FZD6: variants seen among roughly 807,000 people sequenced by gnomAD.
The protein encoded by FZD6 is frizzled class receptor 6.
Under a neutral mutation model 61.4 loss-of-function variants are expected in FZD6, and 49 were observed. The observed-to-expected ratio is 0.80, with a 90% CI of 0.63 to 1.01. The LOEUF (loss-of-function observed/expected upper bound fraction) is 1.01, where lower values mean the gene tolerates loss of function less well. Ranked by LOEUF, FZD6 falls within the 50% of genes least tolerant of loss-of-function variation. The pLI is 0.00. For synonymous variants in FZD6, 265 were observed against 292.2 expected (o/e 0.91, Z 0.95); for missense variants, 724 against 848.2 (o/e 0.85, Z 1.82).
Position 103,318,765 on chromosome 8 carries a change from C to T in FZD6, c.353C>T (p.Pro118Leu). Residue 118 changes from proline to leucine, a missense_variant, in exon 3 of 7, where the codon CCT becomes CTT. Coordinates refer to ENST00000358755, the MANE Select transcript of FZD6 (RefSeq NM_003506.4). Reference protein sequence around the residue: ...KLIDTFGIRWPEELECDRLQY... With the variant: ...KLIDTFGIRWLEELECDRLQY... ...ATTGACACTTTTGGGATCCGATGGCCTGAGGAGCTTGAATGTGACAGGTAA... is the reference window on the plus strand; with the variant it reads ...ATTGACACTTTTGGGATCCGATGGCTTGAGGAGCTTGAATGTGACAGGTAA... 1.2e-6 allele frequency: 2 copies of T among 1,604,598 alleles called. No homozygotes were observed. The highest frequency in any genetic ancestry group is 1.7e-6 in the Non-Finnish European group (2 of 1,171,408).
At chr8:103,321,355 T>G (rs1814783759) in intron 3 of FZD6, among the ~76,000 whole-genome samples, 2 of 152,212 alleles carry the variant, frequency 1.3e-5, no homozygotes, top group Admixed American at 1.3e-4. Context: ...GTTAGTTGGG[T>G]CAGCTGCACA....
chr8:103,328,931 C>G (rs1161970685), intron 5 of FZD6, among the ~76,000 whole-genome samples: 1 of 148,366 alleles, frequency 6.7e-6, no homozygotes, highest in Non-Finnish European at 1.5e-5. Flanking sequence ...ACTTATTTGT[C>G]TTACTTAAGA....
Position 103,331,433 on chromosome 8 carries a change from G to A in FZD6, c.2045G>A (p.Gly682Asp), listed in dbSNP as rs1426821574. The change falls in exon 7 of 7, where the codon GGT becomes GAT. Residue 682 changes from glycine to aspartate, a missense_variant. Transcript: ENST00000358755. ...TCTTCAGAACCAAGCAGCCTCAAAG[G>A]TTCCACATCTCTGCTTGTTCACCCG... is the stretch of plus-strand genomic sequence containing the variant. ...PSSSEPSSLK[G>D]STSLLVHPVS... The A allele has an allele frequency of 6.2e-7, 1 of 1,610,556 alleles. No homozygotes were observed.
At chr8:103,330,479 A>G (rs1815089455) in intron 6 of FZD6, among the ~76,000 whole-genome samples, 1 of 152,184 alleles carries the variant, frequency 6.6e-6, no homozygotes, top group Non-Finnish European at 1.5e-5. Flanking sequence ...ATCTTTAATG[A>G]ATTTTCTCAA....
At chr8:103,313,810 AG>A (rs925893346) in intron 2 of FZD6, among the ~76,000 whole-genome samples, 11 of 137,550 alleles carry the variant, frequency 8.0e-5, no homozygotes, top group South Asian at 4.8e-4. Context: ...GTGTCAGGGA[AG>A]GGGGGGGCCC....
chr8:103,319,139 T>C (rs1416723105), intron 3 of FZD6, among the ~76,000 whole-genome samples: 1 of 152,042 alleles, frequency 6.6e-6, no homozygotes, highest in African/African-American at 2.4e-5. Context: ...GGGAAGGAAA[T>C]GACTGTTGAG....
chr8:103,325,347 T>C lies in FZD6; in HGVS notation c.1241T>C (p.Met414Thr). Residue 414 changes from methionine to threonine, a missense_variant, in exon 4 of 7, where the codon ATG becomes ACG. Met to Thr is a moderately conservative substitution (Grantham distance 81, BLOSUM62 -1). Coordinates refer to ENST00000358755, the MANE Select transcript of FZD6 (RefSeq NM_003506.4). Reference protein sequence around the residue: ...GRNQEKLKKFMIRIGVFSGLY... With the variant: ...GRNQEKLKKFTIRIGVFSGLY... Reference sequence around the variant, plus strand: ...AACCAAGAAAAACTAAAGAAATTTATGATTCGAATTGGAGTCTTCAGCGGC... The same window carrying C: ...AACCAAGAAAAACTAAAGAAATTTACGATTCGAATTGGAGTCTTCAGCGGC... 1 of 1,614,170 alleles carries C rather than the reference T, an allele frequency of 6.2e-7. No individual in the cohort carries two copies. Among genetic ancestry groups the C allele is most frequent in the Non-Finnish European group, 8.5e-7 (1 of 1,180,000 alleles).
Position 103,324,610 on chromosome 8 carries a change from T to A in FZD6, c.504T>A (p.Ser168=), listed in dbSNP as rs775449278. The stretch of plus-strand genomic sequence containing the variant: ...GGTGTCCAAGGCATCTTAAGACTTC[T>A]GGGGGACAAGGATATAAGTTTCTGG... ...GFWCPRHLKT[S]GGQGYKFLGI... Residue 168 remains serine (S), a synonymous_variant, in exon 4 of 7, where the codon TCT becomes TCA. Transcript: ENST00000358755. 1.1e-5 allele frequency: 18 copies of A among 1,614,084 alleles called. No individual in the cohort carries two copies. Among genetic ancestry groups the A allele is most frequent in the Non-Finnish European group, 1.4e-5 (17 of 1,180,030 alleles).
At position 103,324,575 on chromosome 8, in the gene FZD6, A is replaced by T; in HGVS notation, c.469A>T (p.Ile157Phe). Residue 157 changes from isoleucine to phenylalanine, a missense_variant, in exon 4 of 7, where the codon ATT becomes TTT. By Grantham distance (21) the Ile-to-Phe change is conservative. Coordinates refer to ENST00000358755, the MANE Select transcript of FZD6 (RefSeq NM_003506.4). ...GAAAACAGAACAAGTCCAAAGAGAC[A>T]TTGGATTTTGGTGTCCAAGGCATCT... ...QKKTEQVQRD[I>F]GFWCPRHLKT... The T allele has an allele frequency of 6.2e-7, 1 of 1,613,174 alleles. No homozygotes were observed. The highest frequency in any genetic ancestry group is 8.5e-7 in the Non-Finnish European group (1 of 1,179,070).
Position 103,331,844 on chromosome 8 carries a change from A to G in FZD6, c.*335A>G, listed in dbSNP as rs1403098424. The G allele has an allele frequency of 9.0e-6, 2 of 223,298 alleles. No individual in the cohort carries two copies. The highest frequency in any genetic ancestry group is 4.7e-5 in the African/African-American group (2 of 42,916). 13.8% of individuals were successfully genotyped at this position (223,298 alleles called of 1,614,324 possible). The stretch of plus-strand genomic sequence containing the variant: ...TGTACTATGCTATTTTACTTTTTTG[A>G]TATAAAATCAAGATATTTCTTTGCT... On this transcript the variant is annotated 3_prime_UTR_variant, in exon 7 of 7. Coordinates refer to ENST00000358755, the MANE Select transcript of FZD6 (RefSeq NM_003506.4).
chr8:103,310,575 C>G (rs3107648), intron 2 of FZD6, among the ~76,000 whole-genome samples: 16,735 of 152,132 alleles, frequency 0.11, 1,206 homozygotes, highest in East Asian at 0.2. Context: ...TAGTGTTTTA[C>G]TTCCCACCTT....
At chr8:103,318,947 G>A (rs547353021) in intron 3 of FZD6, among the ~76,000 whole-genome samples, 161 bp downstream of exon 3, 6 of 152,294 alleles carry the variant, frequency 3.9e-5, no homozygotes, top group South Asian at 2.1e-4. Context: ...GGACACAAAG[G>A]TGGGCAAAAA....
chr8:103,306,014 G>T (rs1814320760), intron 2 of FZD6, among the ~76,000 whole-genome samples: 1 of 152,140 alleles, frequency 6.6e-6, no homozygotes, highest in East Asian at 1.9e-4. Flanking sequence ...ACCTGAATAT[G>T]TAGCTCTCCC....
At chr8:103,329,546 C>T in intron 5 of FZD6, 109 bp from the exon 6 acceptor site, 1 of 721,384 alleles carries the variant, frequency 1.4e-6, no homozygotes, top group African/African-American at 1.8e-5. Context: ...GAATTTTCAA[C>T]TTTAGTGACT....
At chr8:103,308,022 G>C (rs1180566779) in intron 2 of FZD6, 1 of 445,258 alleles carries the variant, frequency 2.2e-6, no homozygotes, top group Non-Finnish European at 4.5e-6. Flanking sequence ...AGGGCTTAAG[G>C]TTGGTTACTG....
At position 103,309,505 on chromosome 8, in the gene FZD6, G is replaced by A. The variant is rs182179171; in HGVS notation, c.178-9085G>A. ...CCCTGAATATGTTTCTAGTGGTGTT[G>A]CCAATCTCTGAAAATCCCCTTGATC... is the stretch of plus-strand genomic sequence containing the variant. On this transcript the variant is annotated intron_variant, in intron 2 of 6. Coordinates refer to ENST00000358755, the MANE Select transcript of FZD6 (RefSeq NM_003506.4). Among the ~76,000 whole-genome samples the A allele has an allele frequency of 1.8e-4, 27 of 152,328 alleles. No individual in the cohort carries two copies. The East Asian group carries it at 4.6e-3, about 26-fold the overall frequency.
Position 103,329,690 on chromosome 8 carries a change from CAT to C in FZD6, c.1578_1579del (p.Cys527Ter), listed in dbSNP as rs1473836705. ...GAAAGTCGAAGAGTACTACAGGAAT[CAT>C]GTGAGTTTTTCTTAAAGCACAATTC... On this transcript the variant is annotated frameshift_variant, in exon 6 of 7. Transcript: ENST00000358755. LOFTEE classifies it high-confidence loss of function. 18 of 1,611,280 alleles carry C rather than the reference CAT, an allele frequency of 1.1e-5. No homozygotes were observed. Among genetic ancestry groups the C allele is most frequent in the East Asian group, 2.2e-5 (1 of 44,874 alleles).
intron 2 of FZD6, 115 bp from the exon 3 acceptor site, chr8:103,318,475 T>C: frequency 1.4e-6 from 1 of 705,110 alleles, no homozygotes; most frequent in South Asian, 1.6e-5. Context: ...AGAGGGAGAT[T>C]TAAAGATTCT....
intron 2 of FZD6, among the ~76,000 whole-genome samples, chr8:103,317,833 AAAAAAAAAG>A (rs1371936144): frequency 2.2e-4 from 30 of 139,060 alleles, no homozygotes; most frequent in African/African-American, 7.4e-4. Context: ...CTCAAAAAAA[AAAAAAAAAG>A]AAAGAAAGAA....
Sources: allele counts gnomAD v4.1 joint callset (sites outside exome capture counted in the v4.1 genomes callset), GRCh38; gene constraint gnomAD v4.1.1; transcripts MANE v1.5; gene names NCBI Gene and HGNC (gene_info 2026-07-23, HGNC 2026-07-21).